MPDZ: variants seen among roughly 807,000 people sequenced by gnomAD.
MPDZ encodes the protein multiple PDZ domain protein.
In MPDZ, 234 loss-of-function variants were observed where a neutral mutation model predicts 239.1. That is an observed-to-expected ratio of 0.98 (90% CI 0.88 to 1.09). The LOEUF (loss-of-function observed/expected upper bound fraction) is 1.09, where lower values mean the gene tolerates loss of function less well. MPDZ is among the 50% of genes least tolerant of loss of function. MPDZ has a pLI of 0.00. For missense variants in MPDZ, 3,175 were observed against 2,510.0 expected, an observed-to-expected ratio of 1.26 and a Z score of -5.66; for synonymous variants, 1,048 against 881.3, an observed-to-expected ratio of 1.19 and a Z score of -3.35.
intron 12 of MPDZ, among the ~76,000 whole-genome samples, chr9:13,202,736 C>G (rs1361701709): frequency 6.6e-6 from 1 of 152,178 alleles, no homozygotes; most frequent in Non-Finnish European, 1.5e-5. Context: ...TAAAGAAATT[C>G]TCTTTGAATG....
intron 3 of MPDZ, among the ~76,000 whole-genome samples, chr9:13,231,210 C>CA (rs575028574): frequency 2.0e-5 from 3 of 151,874 alleles, no homozygotes; most frequent in Admixed American, 6.6e-5. Flanking sequence ...TAACCATATG[C>CA]AAAAAAATGG....
chr9:13,138,769 C>T (rs372672542), intron 28 of MPDZ, among the ~76,000 whole-genome samples: 69 of 152,264 alleles, frequency 4.5e-4, no homozygotes, highest in African/African-American at 1.6e-3. Flanking sequence ...CCTCTTTAAT[C>T]TAAGAGGGCT....
At chr9:13,137,901 A>C in intron 29 of MPDZ, 56 bp downstream of exon 29, 1 of 1,541,014 alleles carries the variant, frequency 6.5e-7, no homozygotes, top group African/African-American at 1.4e-5. Flanking sequence ...GGAAACTGAC[A>C]GTTCCATTAC....
intron 44 of MPDZ, 88 bp downstream of exon 44, chr9:13,110,548 A>G (rs1323724638): frequency 3.5e-6 from 3 of 862,244 alleles, no homozygotes; most frequent in Non-Finnish European, 5.7e-6. Flanking sequence ...ATAGCAGAAG[A>G]TTTAATCATT....
chr9:13,262,260 T>G (rs1246811149), intron 1 of MPDZ, among the ~76,000 whole-genome samples: 2 of 151,706 alleles, frequency 1.3e-5, no homozygotes, highest in Admixed American at 6.6e-5. Flanking sequence ...CCCAGTAGTT[T>G]GAGACCACCC....
Position 13,123,164 on chromosome 9 carries a change from C to G in MPDZ, c.4942G>C (p.Asp1648His). 6.2e-7 allele frequency: 1 copy of G among 1,612,204 alleles called. No individual in the cohort carries two copies. Among genetic ancestry groups the G allele is most frequent in the African/African-American group, 1.3e-5 (1 of 74,982 alleles). Reference sequence around the variant, plus strand: ...TGGGTGGTGCTCACCAGCAGCGTGTCTGAACCCCCAACGATGCTCAGGCCC... The same window carrying G: ...TGGGTGGTGCTCACCAGCAGCGTGTGTGAACCCCCAACGATGCTCAGGCCC... ...GLGLSIVGGS[D>H]TLLGAIIIHE... The change falls in exon 36 of 47, where the codon GAC (aspartate) becomes CAC (histidine). Residue 1648 changes from aspartate to histidine, a missense_variant. Physicochemically the swap from Asp to His is moderately conservative, Grantham distance 81 (BLOSUM62 -1). Transcript: ENST00000319217.
chr9:13,277,557 ATTTTTT>A (rs1297803869), intron 1 of MPDZ, among the ~76,000 whole-genome samples: 1 of 151,912 alleles, frequency 6.6e-6, no homozygotes, highest in African/African-American at 2.4e-5. Flanking sequence ...TTTTATTTTT[ATTTTTT>A]ATTTATTTAC....
chr9:13,205,485 AT>A (rs1039440363), intron 11 of MPDZ, among the ~76,000 whole-genome samples: 6 of 152,186 alleles, frequency 3.9e-5, no homozygotes, highest in Non-Finnish European at 8.8e-5. Context: ...ACATTTCTAA[AT>A]GTGGAATTAA....
chr9:13,272,025 G>A (rs34714632), intron 1 of MPDZ, among the ~76,000 whole-genome samples: 20,743 of 152,124 alleles, frequency 0.14, 1,649 homozygotes, highest in Non-Finnish European at 0.16. Flanking sequence ...GATGCATGAG[G>A]AAACTTTCGG....
In MPDZ at chr9:13,247,613, G is replaced by C. The variant is rs760766112; in HGVS notation, c.183+22C>G. The stretch of plus-strand genomic sequence containing the variant: ...GATCTATGCCATGTCGTGAATGCCT[G>C]CTTGGGTGAATGATGTCCTACCTGG... On this transcript the variant is annotated intron_variant, in intron 3 of 46. Transcript: ENST00000319217. 1.3e-5 allele frequency: 21 copies of C among 1,597,536 alleles called. No individual in the cohort carries two copies. The South Asian group carries it at 2.3e-4, about 18-fold the overall frequency.
rs183591772 is a variant in MPDZ at position 13,116,719 on chromosome 9, T to C, written c.5380-1385A>G. 2.8e-3 allele frequency among the ~76,000 whole-genome samples: 423 copies of C among 152,312 alleles called. 4 individuals are homozygous for C. Among genetic ancestry groups the C allele is most frequent in the Non-Finnish European group, 3.8e-3 (260 of 68,018 alleles). ...TTTCAAATATCAAGGGTTTTGATTATTTAAAAAAGTGTTAATTTTTCCAAT... is the reference window on the plus strand; with the variant it reads ...TTTCAAATATCAAGGGTTTTGATTACTTAAAAAAGTGTTAATTTTTCCAAT... On this transcript the variant is annotated intron_variant, in intron 39 of 46. Coordinates refer to ENST00000319217, the MANE Select transcript of MPDZ (RefSeq NM_001378778.1).
At position 13,176,306 on chromosome 9, in the gene MPDZ, T is replaced by A. The variant is rs756814996; in HGVS notation, c.2761A>T (p.Ile921Leu). 2.5e-5 allele frequency: 41 copies of A among 1,610,338 alleles called. No homozygotes were observed. Among genetic ancestry groups the A allele is most frequent in the Non-Finnish European group, 3.5e-5 (41 of 1,178,054 alleles). ...RQDENTPSVD[I>L]SMGPASGFTI... The stretch of plus-strand genomic sequence containing the variant: ...AAGCCAGAAGCAGGCCCCATACTTA[T>A]GTCCACCGAAGGTGTATTCTCATCC... Residue 921 changes from isoleucine to leucine, a missense_variant, in exon 20 of 47, where the codon ATA (isoleucine) becomes TTA (leucine). Transcript: ENST00000319217.
chr9:13,125,933 A>G (rs1303418914), intron 34 of MPDZ, among the ~76,000 whole-genome samples: 1 of 152,224 alleles, frequency 6.6e-6, no homozygotes, highest in Non-Finnish European at 1.5e-5. Context: ...TAAGCTTCTT[A>G]CTGTACAATG....
At chr9:13,207,472 T>C (rs1957131567) in intron 10 of MPDZ, among the ~76,000 whole-genome samples, 3 of 152,200 alleles carry the variant, frequency 2.0e-5, no homozygotes, top group Non-Finnish European at 4.4e-5. Flanking sequence ...TCTTCAGCCA[T>C]GGAGTCTCCG....
At chr9:13,153,083 C>A (rs1949399979) in intron 24 of MPDZ, among the ~76,000 whole-genome samples, 1 of 152,010 alleles carries the variant, frequency 6.6e-6, no homozygotes, top group Non-Finnish European at 1.5e-5. Context: ...ATGTCTTCAA[C>A]ACTGACATTT....
rs1491170147 is a variant in MPDZ, at chr9:13,236,268, T to TATATATATATATATATA, written c.183+11366_183+11367insTATATATATATATATAT. ...GTGTGTGTATATATATATATATATATTTTTTTTTTTTTTTTTTTTTTTTTT... is the reference window on the plus strand; with the variant it reads ...GTGTGTGTATATATATATATATATATATATATATATATATATATTTTTTTTTTTTTTTTTTTTTTTTT... On this transcript the variant is annotated intron_variant, in intron 3 of 46. Transcript: ENST00000319217. 6.0e-3 allele frequency among the ~76,000 whole-genome samples: 78 copies of TATATATATATATATATA among 13,034 alleles called. 12 individuals carry two copies. The highest frequency in any genetic ancestry group is 0.022 in the East Asian group (2 of 90). 8.6% of individuals were successfully genotyped at this position (13,034 alleles called of 152,430 possible).
rs373568505 is a variant in MPDZ, at chr9:13,188,823, C to T, written c.2325G>A (p.Pro775=). 239 of 1,613,470 alleles carry T rather than the reference C, an allele frequency of 1.5e-4. 2 individuals carry two copies. The East Asian group carries it at 2.6e-3, about 18-fold the overall frequency. The change falls in exon 17 of 47, where the codon CCG becomes CCA. Residue 775 remains proline (P), a synonymous_variant. Transcript: ENST00000319217. ...CAACTCCTATTCTCACAGTCCCTGACGGTGCTCCCTTCAGTGCTTCTACAG... is the reference window on the plus strand; with the variant it reads ...CAACTCCTATTCTCACAGTCCCTGATGGTGCTCCCTTCAGTGCTTCTACAG... ...EEAVEALKGA[P]SGTVRIGVAK...
At chr9:13,185,502 C>T (rs936152797) in intron 18 of MPDZ, among the ~76,000 whole-genome samples, 1 of 151,924 alleles carries the variant, frequency 6.6e-6, no homozygotes, top group Non-Finnish European at 1.5e-5. Flanking sequence ...GTTTGCCCCA[C>T]AAAAAACGTT....
intron 1 of MPDZ, chr9:13,276,917 C>T (rs1176562181): frequency 6.6e-6 from 1 of 152,160 alleles, no homozygotes; most frequent in Non-Finnish European, 1.5e-5. Context: ...AATGGATTCA[C>T]TTGATCATTT....
Sources: gnomAD v4.1 joint callset for allele counts (sites outside exome capture counted in the v4.1 genomes callset) on GRCh38, gnomAD v4.1.1 for gene constraint, MANE v1.5 for transcripts, NCBI Gene and HGNC (gene_info 2026-07-23, HGNC 2026-07-21) for gene names.